GPC6: variants seen among roughly 807,000 people sequenced by gnomAD.
The protein encoded by GPC6 is glypican 6.
GPC6 carries 14 observed loss-of-function variants against 55.2 expected under a neutral mutation model. The ratio of observed to expected loss-of-function variants is 0.25; its 90% CI spans 0.17 to 0.40. The LOEUF (loss-of-function observed/expected upper bound fraction) is 0.40. Ranked by LOEUF, GPC6 falls within the 10% of genes least tolerant of loss-of-function variation. GPC6 has a pLI of 1.00. For missense variants in GPC6, 641 were observed against 708.5 expected, an observed-to-expected ratio of 0.90 and a Z score of 1.08; for synonymous variants, 278 against 259.6, an observed-to-expected ratio of 1.07 and a Z score of -0.68.
chr13:94,015,915 A>G (rs768218170), intron 3 of GPC6, among the ~76,000 whole-genome samples: 3 of 152,210 alleles, frequency 2.0e-5, no homozygotes, highest in Admixed American at 6.5e-5. Flanking sequence ...AAAAATGCAT[A>G]ACACTCTTAG....
At chr13:93,655,508 T>G (rs1880622327) in intron 2 of GPC6, among the ~76,000 whole-genome samples, 1 of 152,170 alleles carries the variant, frequency 6.6e-6, no homozygotes, top group African/African-American at 2.4e-5. Flanking sequence ...TGTCAGTGAA[T>G]GATGGATCCC....
Position 93,775,941 on chromosome 13 carries a change from T to C in GPC6, c.320-54213T>C, listed in dbSNP as rs1034097497. 2.0e-5 allele frequency among the ~76,000 whole-genome samples: 3 copies of C among 152,158 alleles called. 1 individual carries two copies. Among genetic ancestry groups the C allele is most frequent in the Admixed American group, 1.3e-4 (2 of 15,252 alleles). Reference sequence around the variant, plus strand: ...GCAGACCGTTTTTGTAAGAAAATGATTGGCTTTTTAAAAATGTAGTGCTGT... The same window carrying C: ...GCAGACCGTTTTTGTAAGAAAATGACTGGCTTTTTAAAAATGTAGTGCTGT... On this transcript the variant is annotated intron_variant, in intron 2 of 8. Transcript: ENST00000377047.
chr13:94,041,202 T>C (rs1330587784), intron 4 of GPC6, among the ~76,000 whole-genome samples: 1 of 151,848 alleles, frequency 6.6e-6, no homozygotes, highest in Non-Finnish European at 1.5e-5. Flanking sequence ...TGATAAAGTA[T>C]ATGCCTCATT....
Position 93,795,351 on chromosome 13 carries a change from T to C in GPC6, c.320-34803T>C, listed in dbSNP as rs143416842. ...ATCTGGATATCAAGACAATCCCAAG[T>C]CTAGGTCTGTTCAACAAACATTATC... On this transcript the variant is annotated intron_variant, in intron 2 of 8. Transcript: ENST00000377047. Among the ~76,000 whole-genome samples, 8 of 152,312 alleles carry C rather than the reference T, an allele frequency of 5.3e-5. No individual in the cohort carries two copies. In the East Asian group the frequency reaches 1.5e-3, roughly 29 times the overall value.
intron 4 of GPC6, among the ~76,000 whole-genome samples, chr13:94,067,229 A>G (rs1424988465): frequency 1.3e-5 from 2 of 152,316 alleles, no homozygotes; most frequent in African/African-American, 2.4e-5. Context: ...CTGATTATGT[A>G]TCAGATTGAA....
intron 4 of GPC6, among the ~76,000 whole-genome samples, chr13:94,046,957 C>T (rs1396542499): frequency 6.6e-6 from 1 of 152,136 alleles, no homozygotes; most frequent in Non-Finnish European, 1.5e-5. Flanking sequence ...GAGGATTATA[C>T]TCCTTAAAAA....
chr13:93,978,725 G>GT (rs1880637880), intron 3 of GPC6, among the ~76,000 whole-genome samples: 2 of 151,862 alleles, frequency 1.3e-5, no homozygotes, highest in South Asian at 4.2e-4. Flanking sequence ...CTCAACTGAG[G>GT]TTTTTCCTAT....
intron 2 of GPC6, among the ~76,000 whole-genome samples, chr13:93,815,100 A>C (rs549009669): frequency 1.9e-4 from 29 of 151,982 alleles, no homozygotes; most frequent in Admixed American, 9.2e-4. Flanking sequence ...ACCAATTTTT[A>C]ATATTCAGAT....
At chr13:93,239,784 G>A (rs1369533865) in intron 1 of GPC6, among the ~76,000 whole-genome samples, 1 of 151,836 alleles carries the variant, frequency 6.6e-6, no homozygotes, top group Non-Finnish European at 1.5e-5. Context: ...AAGCTTTCCT[G>A]TTAGTACTGC....
chr13:93,866,417 G>A (rs1051541644), intron 3 of GPC6, among the ~76,000 whole-genome samples: 5 of 150,838 alleles, frequency 3.3e-5, no homozygotes, highest in East Asian at 2.0e-4. Flanking sequence ...CCAGTAATGG[G>A]CGTATGTTCA....
At chr13:93,487,263 A>C (rs113705021) in intron 1 of GPC6, among the ~76,000 whole-genome samples, 2 of 152,060 alleles carry the variant, frequency 1.3e-5, no homozygotes, top group Non-Finnish European at 2.9e-5. Context: ...ATATATGTCC[A>C]GGTTTGCTAC....
chr13:93,937,762 A>G (rs1878510272), intron 3 of GPC6, among the ~76,000 whole-genome samples: 2 of 152,032 alleles, frequency 1.3e-5, no homozygotes, highest in Admixed American at 6.6e-5. Flanking sequence ...TATTGTTAGT[A>G]GAGATGGGGT....
At chr13:93,369,600 T>G (rs558344195) in intron 1 of GPC6, among the ~76,000 whole-genome samples, 17 of 152,250 alleles carry the variant, frequency 1.1e-4, no homozygotes, top group African/African-American at 3.9e-4. Context: ...AATGAAATAC[T>G]CGTAGGTGAT....
At chr13:94,313,252 T>C (rs1181650141) in intron 6 of GPC6, among the ~76,000 whole-genome samples, 1 of 152,108 alleles carries the variant, frequency 6.6e-6, no homozygotes, top group Admixed American at 6.5e-5. Flanking sequence ...ATAAGACACA[T>C]ATATAAAATG....
intron 4 of GPC6, among the ~76,000 whole-genome samples, chr13:94,057,202 A>G (rs1884160947): frequency 6.6e-6 from 1 of 152,222 alleles, no homozygotes; most frequent in South Asian, 2.1e-4. Context: ...TGATTAATAG[A>G]GAAGAATTGG....
intron 1 of GPC6, among the ~76,000 whole-genome samples, chr13:93,366,108 T>C (rs752773928): frequency 6.6e-6 from 1 of 152,054 alleles, no homozygotes; most frequent in Non-Finnish European, 1.5e-5. Flanking sequence ...AGAACACAAT[T>C]TGTGGTCTAC....
intron 3 of GPC6, among the ~76,000 whole-genome samples, chr13:93,895,133 T>A (rs1875914151): frequency 6.7e-6 from 1 of 149,662 alleles, no homozygotes; most frequent in African/African-American, 2.4e-5. Context: ...CATATATGTC[T>A]ATATATATAT....
chr13:93,725,994 G>C (rs1464333877), intron 2 of GPC6, among the ~76,000 whole-genome samples: 1 of 151,906 alleles, frequency 6.6e-6, no homozygotes, highest in East Asian at 1.9e-4. Context: ...TGAAAATGTA[G>C]TGGCCCAATT....
At chr13:93,625,055 A>G (rs541288121) in intron 2 of GPC6, among the ~76,000 whole-genome samples, 1 of 152,314 alleles carries the variant, frequency 6.6e-6, no homozygotes, top group Non-Finnish European at 1.5e-5. Context: ...CCGAATTTTC[A>G]TTATTCTGTA....
Sources: allele counts gnomAD v4.1 joint callset (sites outside exome capture counted in the v4.1 genomes callset), GRCh38; gene constraint gnomAD v4.1.1; transcripts MANE v1.5; gene names NCBI Gene and HGNC (gene_info 2026-07-23, HGNC 2026-07-21).